FTO: variants seen among roughly 807,000 people sequenced by gnomAD.
The protein encoded by FTO is alpha-ketoglutarate-dependent dioxygenase FTO.
Under a neutral mutation model 63.9 loss-of-function variants are expected in FTO, and 47 were observed. That is an observed-to-expected ratio of 0.74 (90% CI 0.58 to 0.94). The LOEUF (loss-of-function observed/expected upper bound fraction) is 0.94. Ranked by LOEUF, FTO falls within the 40% of genes least tolerant of loss-of-function variation. FTO has a pLI of 0.00. For missense variants in FTO, 562 were observed against 618.1 expected (o/e 0.91, Z 0.96); for synonymous variants, 207 against 224.4 (o/e 0.92, Z 0.69).
intron 1 of FTO, among the ~76,000 whole-genome samples, chr16:53,783,901 G>C (rs574536018): frequency 6.6e-6 from 1 of 152,224 alleles, no homozygotes; most frequent in Non-Finnish European, 1.5e-5. Context: ...TCAGGTCTTA[G>C]GTTCTGTAGA....
At chr16:54,108,710 A>G (rs1176423284) in intron 8 of FTO, among the ~76,000 whole-genome samples, 1 of 152,308 alleles carries the variant, frequency 6.6e-6, no homozygotes, top group East Asian at 1.9e-4. Context: ...CACTGCGTAT[A>G]ATTCATGTAA....
intron 7 of FTO, 142 bp from the exon 8 acceptor site, chr16:53,933,843 G>T: frequency 1.3e-6 from 1 of 752,936 alleles, no homozygotes; most frequent in South Asian, 1.7e-5. Context: ...GGCCATTTTT[G>T]GCCATCATTT....
At chr16:53,907,276 C>T (rs1228247041) in intron 7 of FTO, among the ~76,000 whole-genome samples, 10 of 152,186 alleles carry the variant, frequency 6.6e-5, no homozygotes, top group South Asian at 6.2e-4. Context: ...GCTCAGAACG[C>T]ATTAGCCTAC....
intron 1 of FTO, among the ~76,000 whole-genome samples, chr16:53,766,413 A>G (rs1390674378): frequency 6.6e-6 from 1 of 152,066 alleles, no homozygotes; most frequent in Non-Finnish European, 1.5e-5. Context: ...ATCCGTGAAG[A>G]TGCCTCACTG....
intron 8 of FTO, among the ~76,000 whole-genome samples, chr16:54,056,984 G>C (rs1053661566): frequency 2.0e-5 from 3 of 152,136 alleles, no homozygotes; most frequent in African/African-American, 7.2e-5. Context: ...TAGATGCTAG[G>C]GATACCAAGA....
chr16:54,119,335 C>A lies in FTO; in HGVS notation c.*7420C>A, dbSNP rs191928285. The A allele has an allele frequency of 7.9e-5, 12 of 152,304 alleles. No individual in the cohort carries two copies. The highest frequency in any genetic ancestry group is 5.2e-4 in the Admixed American group (8 of 15,300). The allele number at this position is 152,304 out of a possible 1,614,324, so 9.4% of individuals were successfully genotyped here. On this transcript the variant is annotated 3_prime_UTR_variant, in exon 9 of 9. Coordinates refer to ENST00000471389, the MANE Select transcript of FTO (RefSeq NM_001080432.3). ...GGAACCAGAACAGTTAACCTTCAAA[C>A]CCCCAAGGCTTGCAAGAGATGAATC...
chr16:53,919,282 T>C (rs532456877), intron 7 of FTO, among the ~76,000 whole-genome samples: 1 of 152,304 alleles, frequency 6.6e-6, no homozygotes, highest in South Asian at 2.1e-4. Context: ...TGTTGGCTGC[T>C]GTATCATTAT....
chr16:53,762,085 A>G (rs917040289), intron 1 of FTO, among the ~76,000 whole-genome samples: 2 of 152,216 alleles, frequency 1.3e-5, no homozygotes, highest in Non-Finnish European at 2.9e-5. Flanking sequence ...AAGGAATGGA[A>G]ACCTGACTAG....
At chr16:53,958,562 G>T (rs2082988543) in intron 8 of FTO, among the ~76,000 whole-genome samples, 2 of 152,214 alleles carry the variant, frequency 1.3e-5, no homozygotes, top group Admixed American at 1.3e-4. Context: ...AGCCTGCCAT[G>T]TTCCCTGTAA....
At position 54,121,830 on chromosome 16, in the gene FTO, T is replaced by C. The variant is rs16953089; in HGVS notation, c.*9915T>C. The C allele has an allele frequency of 0.31, 47,387 of 152,032 alleles. 7,738 individuals carry two copies. The highest frequency in any genetic ancestry group is 0.55 in the East Asian group (2,837 of 5,158). 9.4% of individuals were successfully genotyped at this position (152,032 alleles called of 1,614,324 possible). On this transcript the variant is annotated 3_prime_UTR_variant, in exon 9 of 9. Coordinates refer to ENST00000471389, the MANE Select transcript of FTO (RefSeq NM_001080432.3). ...AGTAAAACACAGCGGCTTCATACTC[T>C]GTGCTTATTACCCAGAAGCCCCGGC...
intron 4 of FTO, among the ~76,000 whole-genome samples, chr16:53,872,721 G>A (rs1230811096): frequency 6.6e-6 from 1 of 152,178 alleles, no homozygotes; most frequent in Non-Finnish European, 1.5e-5. Context: ...AGATGATATT[G>A]TAGGTTGTTT....
chr16:53,789,162 A>C (rs2077829130), intron 1 of FTO, among the ~76,000 whole-genome samples: 1 of 152,216 alleles, frequency 6.6e-6, no homozygotes, highest in Non-Finnish European at 1.5e-5. Flanking sequence ...GATACCCTGG[A>C]AATGGAACCA....
chr16:54,092,019 G>A (rs1427530670), intron 8 of FTO, among the ~76,000 whole-genome samples: 2 of 152,262 alleles, frequency 1.3e-5, no homozygotes, highest in Admixed American at 6.5e-5. Context: ...GCTTATGCCT[G>A]TAATCCCAGC....
At chr16:53,721,765 G>A (rs886853867) in intron 1 of FTO, among the ~76,000 whole-genome samples, 2 of 152,104 alleles carry the variant, frequency 1.3e-5, no homozygotes, top group South Asian at 4.2e-4. Flanking sequence ...ATTGGTCACC[G>A]AAGGATTTCA....
At chr16:53,835,410 T>C (rs1041409480) in intron 3 of FTO, among the ~76,000 whole-genome samples, 4 of 152,252 alleles carry the variant, frequency 2.6e-5, no homozygotes, top group Admixed American at 6.5e-5. Context: ...GAGGTAAATT[T>C]TTAAGACCTT....
chr16:53,727,650 G>A (rs1437095610), intron 1 of FTO, among the ~76,000 whole-genome samples: 1 of 152,212 alleles, frequency 6.6e-6, no homozygotes, highest in South Asian at 2.1e-4. Context: ...TTCTGGAAGT[G>A]TATGGAAAGT....
At chr16:53,743,258 T>C (rs1282580219) in intron 1 of FTO, among the ~76,000 whole-genome samples, 1 of 152,170 alleles carries the variant, frequency 6.6e-6, no homozygotes, top group Non-Finnish European at 1.5e-5. Flanking sequence ...GAATGAAAGC[T>C]TGCTTGGCCA....
chr16:54,060,761 G>A (rs1201186336), intron 8 of FTO, among the ~76,000 whole-genome samples: 3 of 152,298 alleles, frequency 2.0e-5, no homozygotes, highest in East Asian at 1.9e-4. Context: ...TCTATGGCAT[G>A]TACTTTATGG....
intron 7 of FTO, among the ~76,000 whole-genome samples, chr16:53,928,181 C>A (rs2082193552): frequency 6.6e-6 from 1 of 151,934 alleles, no homozygotes; most frequent in African/African-American, 2.4e-5. Context: ...CTGATCTGGC[C>A]TGCATTTCCA....
Sources: gnomAD v4.1 joint callset for allele counts (sites outside exome capture counted in the v4.1 genomes callset) on GRCh38, gnomAD v4.1.1 for gene constraint, MANE v1.5 for transcripts, NCBI Gene and HGNC (gene_info 2026-07-23, HGNC 2026-07-21) for gene names.